Variants in MGST1 observed in about 807,000 individuals in gnomAD.
MGST1 encodes the protein glutathione S-transferase 12.
Under a neutral mutation model 8.9 loss-of-function variants are expected in MGST1, and 5 were observed. The ratio of observed to expected loss-of-function variants is 0.56; its 90% CI spans 0.29 to 1.19. The LOEUF (loss-of-function observed/expected upper bound fraction) is 1.19, where lower values mean the gene tolerates loss of function less well. Among genes scored for constraint, MGST1 ranks in the 50% most tolerant of loss-of-function variants. The pLI is 0.08. For synonymous variants in MGST1, 54 were observed against 67.8 expected (o/e 0.80, Z 1.00); for missense variants, 182 against 187.4 (o/e 0.97, Z 0.17).
chr12:16,384,120 G>T (rs1181660697), intron 1 of MGST1, among the ~76,000 whole-genome samples: 1 of 152,088 alleles, frequency 6.6e-6, no homozygotes, highest in Non-Finnish European at 1.5e-5. Context: ...TGGATCTTGG[G>T]TTGGGATACT....
intron 4 of MGST1, among the ~76,000 whole-genome samples, chr12:16,542,824 G>T (rs560315645): frequency 6.6e-6 from 1 of 152,190 alleles, no homozygotes; most frequent in South Asian, 2.1e-4. Flanking sequence ...CAACATCTGT[G>T]ATGGCTTTCT....
chr12:16,428,680 T>A (rs1478676698), intron 1 of MGST1, among the ~76,000 whole-genome samples: 1 of 152,036 alleles, frequency 6.6e-6, no homozygotes, highest in South Asian at 2.1e-4. Flanking sequence ...TTTAGTATTA[T>A]TGGTTTTGTT....
In MGST1 at chr12:16,511,441, G is replaced by A. The variant is rs565384706; in HGVS notation, n.483-78087G>A. On this transcript the variant is annotated intron_variant and non_coding_transcript_variant, in intron 4 of 4. Coordinates refer to the MGST1 transcript ENST00000538857. ...CCTATGCTGAATTTTTTCTTTTTTT[G>A]CTTTCAAGGATCTAAATTTGGCAAT... Among the ~76,000 whole-genome samples the A allele has an allele frequency of 9.9e-5, 15 of 151,768 alleles. No homozygotes were observed. The South Asian group carries it at 2.7e-3, about 27-fold the overall frequency.
intron 4 of MGST1, among the ~76,000 whole-genome samples, chr12:16,520,244 A>G (rs11056978): frequency 0.046 from 7,052 of 152,238 alleles, 424 homozygotes; most frequent in East Asian, 0.14. Context: ...AAGAAATTAA[A>G]AGTTGGAAAA....
chr12:16,505,485 A>T (rs1419712224), intron 4 of MGST1, among the ~76,000 whole-genome samples: 1 of 152,094 alleles, frequency 6.6e-6, no homozygotes, highest in Non-Finnish European at 1.5e-5. Context: ...ACTTTCAACT[A>T]TTGGCATCAC....
Position 16,364,112 on chromosome 12 carries a change from T to G in MGST1, c.*71T>G. The G allele has an allele frequency of 6.7e-7, 1 of 1,500,028 alleles. No individual in the cohort carries two copies. The highest frequency in any genetic ancestry group is 2.2e-5 in the Admixed American group (1 of 45,272). 92.9% of individuals were successfully genotyped at this position (1,500,028 alleles called of 1,614,324 possible). ...GTACTTCCAATTTATAATGAATACT[T>G]TCTTAGATTTTAGGTAGGAGGGGAG... is the stretch of plus-strand genomic sequence containing the variant. On this transcript the variant is annotated 3_prime_UTR_variant, in exon 4 of 4. Coordinates refer to ENST00000396210, the MANE Select transcript of MGST1 (RefSeq NM_020300.5). The surrounding 1 kb of genome is among the most constrained non-coding windows in gnomAD (Gnocchi z 5.7).
intron 4 of MGST1, among the ~76,000 whole-genome samples, chr12:16,588,555 T>TACA (rs1943395240): frequency 6.6e-6 from 1 of 152,090 alleles, no homozygotes; most frequent in Admixed American, 6.6e-5. Flanking sequence ...TCACCTCAGT[T>TACA]ACAAAGGAAA....
chr12:16,411,183 T>C (rs1940739791), intron 1 of MGST1, among the ~76,000 whole-genome samples: 1 of 152,210 alleles, frequency 6.6e-6, no homozygotes, highest in African/African-American at 2.4e-5. Flanking sequence ...TTTCTTTGCC[T>C]GTCTTCATGT....
intron 4 of MGST1, among the ~76,000 whole-genome samples, chr12:16,530,463 A>G (rs1941715552): frequency 6.6e-6 from 1 of 152,150 alleles, no homozygotes; most frequent in Admixed American, 6.6e-5. Context: ...GAAACAAATA[A>G]ATACAGATAT....
chr12:16,440,246 T>TACAC (rs55778046), downstream of MGST1, among the ~76,000 whole-genome samples: 22,670 of 148,886 alleles, frequency 0.15, 1,936 homozygotes, highest in East Asian at 0.42. Flanking sequence ...AATGTGTGTG[T>TACAC]ACACACACAC....
intron 1 of MGST1, among the ~76,000 whole-genome samples, chr12:16,387,852 T>A (rs1229720830): frequency 6.6e-6 from 1 of 152,038 alleles, no homozygotes; most frequent in African/African-American, 2.4e-5. Flanking sequence ...ACTGTACCTT[T>A]TCTATGTTTA....
rs1426079393 is a variant in MGST1 at position 16,584,485 on chromosome 12, T to G, written n.483-5043T>G. Among the ~76,000 whole-genome samples, 1 of 151,906 alleles carries G rather than the reference T, an allele frequency of 6.6e-6. No homozygotes were observed. Among genetic ancestry groups the G allele is most frequent in the Non-Finnish European group, 1.5e-5 (1 of 67,996 alleles). On this transcript the variant is annotated intron_variant and non_coding_transcript_variant, in intron 4 of 4. Coordinates refer to the MGST1 transcript ENST00000538857. This position sits in a 1 kb window ranked among gnomAD's most constrained non-coding sequence, Gnocchi z 5.2. ...GACATGAGGTTTCTGGAGGACCCAGTGGAAAAGTGTTGAGTGAACGTAACA... is the reference window on the plus strand; with the variant it reads ...GACATGAGGTTTCTGGAGGACCCAGGGGAAAAGTGTTGAGTGAACGTAACA...
At chr12:16,588,719 T>G (rs545766567) in intron 4 of MGST1, among the ~76,000 whole-genome samples, 280 of 152,248 alleles carry the variant, frequency 1.8e-3, no homozygotes, top group African/African-American at 6.4e-3. Flanking sequence ...ATTTAGACAT[T>G]TCTCCACCCA....
intron 1 of MGST1, among the ~76,000 whole-genome samples, chr12:16,425,096 G>A (rs2137087297): frequency 6.6e-6 from 1 of 152,242 alleles, no homozygotes; most frequent in East Asian, 1.9e-4. Context: ...TCAGGTACAT[G>A]GAACCCAGGG....
intron 4 of MGST1, among the ~76,000 whole-genome samples, chr12:16,526,204 C>T: frequency 6.6e-6 from 1 of 151,452 alleles, no homozygotes; most frequent in East Asian, 1.9e-4. Context: ...GTGTTTTAGA[C>T]ATGAAGTCCT....
chr12:16,466,458 C>T (rs1327639038), intron 4 of MGST1, among the ~76,000 whole-genome samples: 1 of 152,050 alleles, frequency 6.6e-6, no homozygotes, highest in Non-Finnish European at 1.5e-5. Context: ...GAAATGTGGC[C>T]ATGACAAAGA....
chr12:16,510,927 A>C (rs1013776852), intron 4 of MGST1, among the ~76,000 whole-genome samples: 1 of 152,148 alleles, frequency 6.6e-6, no homozygotes, highest in Non-Finnish European at 1.5e-5. Flanking sequence ...TGTAATGGAG[A>C]ATGCTGACAT....
intron 1 of MGST1, among the ~76,000 whole-genome samples, chr12:16,387,573 C>T (rs1471364882): frequency 6.6e-6 from 1 of 150,736 alleles, no homozygotes; most frequent in Non-Finnish European, 1.5e-5. Context: ...GTTGCCCAGG[C>T]TGGAGTGCAG....
chr12:16,489,604 G>T (rs1254232754), intron 4 of MGST1, among the ~76,000 whole-genome samples: 1 of 152,094 alleles, frequency 6.6e-6, no homozygotes, highest in Non-Finnish European at 1.5e-5. Flanking sequence ...TATTTGAGTT[G>T]CTTTGCATCA....
Sources: gnomAD v4.1 joint callset for allele counts (sites outside exome capture counted in the v4.1 genomes callset) on GRCh38, gnomAD v4.1.1 for gene constraint, Gnocchi (gnomAD v3.1) non-coding constraint, MANE v1.5 for transcripts, NCBI Gene and HGNC (gene_info 2026-07-23, HGNC 2026-07-21) for gene names.